Variants in CARMIL1 observed in about 807,000 individuals in gnomAD.
The protein encoded by CARMIL1 is capping protein regulator and myosin 1 linker 1.
A neutral mutation model predicts 177.1 loss-of-function variants in CARMIL1; 90 were observed. The observed-to-expected ratio is 0.51, with a 90% CI of 0.43 to 0.61. The LOEUF (loss-of-function observed/expected upper bound fraction) is 0.61, where lower values mean the gene tolerates loss of function less well. CARMIL1 is among the 20% of genes least tolerant of loss of function. CARMIL1 has a pLI of 0.00. For synonymous variants in CARMIL1, 577 were observed against 606.2 expected (o/e 0.95, Z 0.71); for missense variants, 1,380 against 1,667.0 (o/e 0.83, Z 3.00).
rs555957206 is a variant in CARMIL1, at chr6:25,464,611, T to C, written c.615-1262T>C. Reference sequence around the variant, plus strand: ...TCCTGCACTGAGCATAAAACTGATATGACCTCACTAAAGCTAAAAAACTGA... The same window carrying C: ...TCCTGCACTGAGCATAAAACTGATACGACCTCACTAAAGCTAAAAAACTGA... On this transcript the variant is annotated intron_variant, in intron 8 of 36. Coordinates refer to ENST00000329474, the MANE Select transcript of CARMIL1 (RefSeq NM_017640.6). Among the ~76,000 whole-genome samples the C allele has an allele frequency of 1.1e-4, 16 of 152,300 alleles. 1 individual carries two copies. In the South Asian group the frequency reaches 1.9e-3, roughly 18 times the overall value.
At chr6:25,522,810 C>CATTGATTG (rs149243209) in intron 23 of CARMIL1, among the ~76,000 whole-genome samples, 2 of 151,834 alleles carry the variant, frequency 1.3e-5, no homozygotes, top group East Asian at 1.9e-4. Context: ...CTGGATACTT[C>CATTGATTG]ATTGATTGAT....
At chr6:25,472,705 G>T in intron 11 of CARMIL1, 184 bp downstream of exon 11, 1 of 552,482 alleles carries the variant, frequency 1.8e-6, no homozygotes, top group South Asian at 2.7e-5. Context: ...TGTATGATCT[G>T]CTTCACCTTT....
chr6:25,592,985 T>A (rs1814464049), intron 31 of CARMIL1, among the ~76,000 whole-genome samples: 1 of 152,212 alleles, frequency 6.6e-6, no homozygotes, highest in South Asian at 2.1e-4. Flanking sequence ...TAACTTAGTA[T>A]AGCTTTCTGA....
intron 2 of CARMIL1, among the ~76,000 whole-genome samples, chr6:25,321,023 C>A (rs963501719): frequency 2.6e-5 from 4 of 152,200 alleles, no homozygotes; most frequent in African/African-American, 7.2e-5. Context: ...TTTATCTAGA[C>A]TGTTCTGAAC....
chr6:25,394,533 ATAAC>A (rs1793181336), intron 2 of CARMIL1, among the ~76,000 whole-genome samples: 1 of 152,198 alleles, frequency 6.6e-6, no homozygotes, highest in Non-Finnish European at 1.5e-5. Context: ...AATAGGAAAA[ATAAC>A]TACTGCAGCT....
chr6:25,420,840 G>A (rs1434731730), intron 3 of CARMIL1, among the ~76,000 whole-genome samples: 1 of 152,280 alleles, frequency 6.6e-6, no homozygotes, highest in Middle Eastern at 3.4e-3. Context: ...ACTAAAAGGA[G>A]TTTATCATTT....
At chr6:25,499,736 A>C in intron 16 of CARMIL1, among the ~76,000 whole-genome samples, 1 of 152,184 alleles carries the variant, frequency 6.6e-6, no homozygotes, top group East Asian at 1.9e-4. Flanking sequence ...CCTCACTTAC[A>C]TATTCCTTAG....
chr6:25,434,476 T>C (rs1011967570), intron 4 of CARMIL1, among the ~76,000 whole-genome samples: 26 of 151,812 alleles, frequency 1.7e-4, no homozygotes, highest in Non-Finnish European at 2.5e-4. Context: ...ACGTGTTACC[T>C]TAATATTCCA....
At chr6:25,417,551 G>A (rs1004658126) in intron 2 of CARMIL1, among the ~76,000 whole-genome samples, 2 of 152,204 alleles carry the variant, frequency 1.3e-5, no homozygotes, top group Non-Finnish European at 2.9e-5. Flanking sequence ...CAAGCTGAGA[G>A]CTTTGTGGAT....
rs142945609 is a variant in CARMIL1 at position 25,435,471 on chromosome 6, C to T, written c.250-12C>T. 21 of 1,549,192 alleles carry T rather than the reference C, an allele frequency of 1.4e-5. No individual in the cohort carries two copies. The East Asian group carries it at 2.0e-4, about 14-fold the overall frequency. On this transcript the variant is annotated splice_polypyrimidine_tract_variant and intron_variant, in intron 4 of 36. Coordinates refer to ENST00000329474, the MANE Select transcript of CARMIL1 (RefSeq NM_017640.6). ...GACTCATTCTTAAGAAGTGTCCCAC[C>T]GGTTCTTGCAGATGATTGTGGAAAC...
intron 2 of CARMIL1, among the ~76,000 whole-genome samples, chr6:25,343,924 GA>G (rs1787221212): frequency 6.6e-6 from 1 of 152,048 alleles, no homozygotes; most frequent in East Asian, 1.9e-4. Context: ...TCCTTCTCCT[GA>G]AACGCCACCT....
rs189350105 is a variant in CARMIL1, at chr6:25,424,490, G to A, written c.190-2011G>A. Among the ~76,000 whole-genome samples, 3 of 152,262 alleles carry A rather than the reference G, an allele frequency of 2.0e-5. No individual in the cohort carries two copies. The East Asian group carries it at 5.8e-4, about 29-fold the overall frequency. ...GCTAGCTGCATTTTCATAGCTGTTAGCATGTAAGAGAGGGTACCTGCTCAC... is the reference window on the plus strand; with the variant it reads ...GCTAGCTGCATTTTCATAGCTGTTAACATGTAAGAGAGGGTACCTGCTCAC... On this transcript the variant is annotated intron_variant, in intron 3 of 36. Transcript: ENST00000329474.
intron 17 of CARMIL1, among the ~76,000 whole-genome samples, chr6:25,502,330 G>A (rs1027694642): frequency 9.9e-5 from 15 of 151,866 alleles, no homozygotes; most frequent in African/African-American, 1.4e-4. Context: ...AGGCCTAGGC[G>A]GGTGGATTAC....
At chr6:25,479,755 T>G (rs565942927) in intron 11 of CARMIL1, among the ~76,000 whole-genome samples, 2 of 152,128 alleles carry the variant, frequency 1.3e-5, no homozygotes, top group East Asian at 1.9e-4. Flanking sequence ...GATAATTATT[T>G]TCCAGTTTTT....
intron 2 of CARMIL1, among the ~76,000 whole-genome samples, chr6:25,291,433 T>A (rs939445256): frequency 6.6e-6 from 1 of 152,214 alleles, no homozygotes. Flanking sequence ...ATATGGAAAC[T>A]ATTGTTCTTT....
chr6:25,615,123 C>T (rs1816795413), intron 36 of CARMIL1, among the ~76,000 whole-genome samples: 1 of 152,246 alleles, frequency 6.6e-6, no homozygotes, highest in African/African-American at 2.4e-5. Flanking sequence ...AACTGCGTAG[C>T]AGTCTGCTTT....
intron 2 of CARMIL1, among the ~76,000 whole-genome samples, chr6:25,309,879 C>T (rs1315367026): frequency 2.6e-5 from 4 of 151,234 alleles, no homozygotes; most frequent in African/African-American, 9.7e-5. Context: ...AAGGGATTCT[C>T]CTGTCTCAGC....
intron 24 of CARMIL1, 34 bp downstream of exon 24, chr6:25,528,927 A>G: frequency 6.6e-7 from 1 of 1,506,910 alleles, no homozygotes; most frequent in Non-Finnish European, 9.1e-7. Flanking sequence ...TTCTCCTTCT[A>G]TTCTTAACTG....
chr6:25,287,503 A>T (rs1195975967), intron 2 of CARMIL1: 5 of 152,934 alleles, frequency 3.3e-5, no homozygotes, highest in Non-Finnish European at 7.3e-5. Context: ...GTGATCAATT[A>T]GTTGTAAACA....
Sources: allele counts gnomAD v4.1 joint callset (sites outside exome capture counted in the v4.1 genomes callset), GRCh38; gene constraint gnomAD v4.1.1; transcripts MANE v1.5; gene names NCBI Gene and HGNC (gene_info 2026-07-23, HGNC 2026-07-21).